The following ANKS1B variants were observed in gnomAD, a reference collection of about 807,000 sequenced individuals.
ANKS1B encodes ankyrin repeat and sterile alpha motif domain containing 1B, also known as ankyrin repeat and sterile alpha motif domain-containing protein 1B.
ANKS1B carries 36 observed loss-of-function variants against 148.3 expected under a neutral mutation model. The observed-to-expected ratio is 0.24, with a 90% CI of 0.19 to 0.32. The LOEUF is 0.32. Among genes scored for constraint, ANKS1B ranks in the 10% least tolerant of loss-of-function variants. The probability of loss-of-function intolerance (pLI) is 1.00; values close to 1 mark genes in which losing one functional copy is unlikely to be tolerated. For missense variants in ANKS1B, 1,157 were observed against 1,542.6 expected (o/e 0.75, Z 4.19); for synonymous variants, 542 against 560.8 (o/e 0.97, Z 0.47).
intron 1 of ANKS1B, among the ~76,000 whole-genome samples, chr12:99,855,662 C>G (rs1486743792): frequency 1.3e-5 from 2 of 152,014 alleles, no homozygotes; most frequent in Non-Finnish European, 2.9e-5. Flanking sequence ...TATGATAGAC[C>G]ACAAAACAAG....
At chr12:98,996,370 C>G (rs190052538) in intron 17 of ANKS1B, among the ~76,000 whole-genome samples, 1 of 152,216 alleles carries the variant, frequency 6.6e-6, no homozygotes, top group African/African-American at 2.4e-5. Context: ...TTTCCAATGT[C>G]ATATATATGA....
chr12:99,320,789 A>C (rs1159937897), intron 12 of ANKS1B, among the ~76,000 whole-genome samples: 1 of 152,062 alleles, frequency 6.6e-6, no homozygotes, highest in Non-Finnish European at 1.5e-5. Flanking sequence ...GATTTTTAGA[A>C]TTTTCAACTT....
At chr12:99,821,087 A>G (rs978216850) in intron 2 of ANKS1B, among the ~76,000 whole-genome samples, 5 of 152,054 alleles carry the variant, frequency 3.3e-5, no homozygotes, top group African/African-American at 9.7e-5. Flanking sequence ...ATCATAGTGC[A>G]TAACTGAGCC....
chr12:99,406,635 T>A (rs7300501), intron 11 of ANKS1B, among the ~76,000 whole-genome samples: 12,663 of 144,484 alleles, frequency 0.088, 2,952 homozygotes, highest in African/African-American at 0.3. Flanking sequence ...GAGAAAACCA[T>A]ACCCAAAGTT....
intron 9 of ANKS1B, among the ~76,000 whole-genome samples, chr12:99,516,266 T>C (rs550197839): frequency 1.3e-5 from 2 of 152,278 alleles, no homozygotes; most frequent in East Asian, 3.9e-4. Context: ...ACTTTTCTTA[T>C]GGCAGTTTCA....
At position 99,657,082 on chromosome 12, in the gene ANKS1B, C is replaced by T. The variant is rs1223030358; in HGVS notation, c.1129-1872G>A. Among the ~76,000 whole-genome samples, 4 of 152,080 alleles carry T rather than the reference C, an allele frequency of 2.6e-5. No homozygotes were observed. In the East Asian group the frequency reaches 7.7e-4, roughly 29 times the overall value. On this transcript the variant is annotated intron_variant, in intron 8 of 26. Transcript: ENST00000683438. ...TGTCTATAAAATACAATAATAATAACAACTGTTAGACTGAGAACTTACTAT... is the reference window on the plus strand; with the variant it reads ...TGTCTATAAAATACAATAATAATAATAACTGTTAGACTGAGAACTTACTAT...
intron 1 of ANKS1B, among the ~76,000 whole-genome samples, chr12:99,899,867 T>A (rs1412631357): frequency 6.6e-6 from 1 of 152,154 alleles, no homozygotes; most frequent in Non-Finnish European, 1.5e-5. Context: ...AGGATATGGA[T>A]TGGCAAACCA....
intron 12 of ANKS1B, among the ~76,000 whole-genome samples, chr12:99,311,922 C>A (rs1156316839): frequency 6.6e-6 from 1 of 151,902 alleles, no homozygotes; most frequent in Non-Finnish European, 1.5e-5. Flanking sequence ...AATCTTAGAG[C>A]ATTATTTTTC....
chr12:99,336,515 T>G (rs976826211), intron 12 of ANKS1B, among the ~76,000 whole-genome samples: 1 of 152,152 alleles, frequency 6.6e-6, no homozygotes, highest in Non-Finnish European at 1.5e-5. Flanking sequence ...TAGATGTATG[T>G]CTTTAATCCA....
At chr12:99,420,467 A>C (rs1411360307) in intron 11 of ANKS1B, among the ~76,000 whole-genome samples, 1 of 152,214 alleles carries the variant, frequency 6.6e-6, no homozygotes, top group Non-Finnish European at 1.5e-5. Flanking sequence ...CCCTGGAGTA[A>C]AATATAATCA....
chr12:98,968,059 A>T (rs1249713456), intron 17 of ANKS1B, among the ~76,000 whole-genome samples: 1 of 152,162 alleles, frequency 6.6e-6, no homozygotes, highest in Non-Finnish European at 1.5e-5. Flanking sequence ...GGAAAGTACC[A>T]GTAGAAGCCG....
chr12:99,132,765 A>G (rs991885734), intron 15 of ANKS1B, among the ~76,000 whole-genome samples: 3 of 152,126 alleles, frequency 2.0e-5, no homozygotes, highest in African/African-American at 7.2e-5. Context: ...TTGCTTGTCT[A>G]TTAATATAGT....
intron 1 of ANKS1B, among the ~76,000 whole-genome samples, chr12:99,901,186 T>C (rs1365807370): frequency 2.0e-5 from 3 of 152,194 alleles, no homozygotes; most frequent in Non-Finnish European, 4.4e-5. Flanking sequence ...GAACAATTAC[T>C]ATATAAACTA....
At chr12:99,011,887 C>T (rs2099939635) in intron 17 of ANKS1B, among the ~76,000 whole-genome samples, 1 of 152,234 alleles carries the variant, frequency 6.6e-6, no homozygotes, top group African/African-American at 2.4e-5. Context: ...TTTACATTTG[C>T]TTGTGGAAGT....
chr12:99,531,400 C>G (rs191314545), intron 9 of ANKS1B, among the ~76,000 whole-genome samples: 3 of 152,112 alleles, frequency 2.0e-5, no homozygotes, highest in Admixed American at 1.3e-4. Flanking sequence ...TCAACTACAC[C>G]ACACAGTACA....
At chr12:98,762,378 A>G (rs903411516) in intron 25 of ANKS1B, among the ~76,000 whole-genome samples, 1 of 152,152 alleles carries the variant, frequency 6.6e-6, no homozygotes, top group African/African-American at 2.4e-5. Flanking sequence ...AGATGCACGC[A>G]CAGTTGATGC....
chr12:99,026,878 G>A (rs1166660686), intron 17 of ANKS1B, among the ~76,000 whole-genome samples: 2 of 152,188 alleles, frequency 1.3e-5, no homozygotes, highest in Admixed American at 6.5e-5. Context: ...AAAATAGCTA[G>A]GATCTAACAG....
intron 8 of ANKS1B, among the ~76,000 whole-genome samples, chr12:99,661,602 A>G (rs2098477821): frequency 6.6e-6 from 1 of 152,026 alleles, no homozygotes; most frequent in Non-Finnish European, 1.5e-5. Flanking sequence ...TCTTTCCCTC[A>G]AGTATACCAA....
At chr12:99,550,277 T>A (rs1166756582) in intron 9 of ANKS1B, among the ~76,000 whole-genome samples, 1 of 152,166 alleles carries the variant, frequency 6.6e-6, no homozygotes, top group Non-Finnish European at 1.5e-5. Flanking sequence ...GTCAAAATCA[T>A]AAGGGCTGCT....
Sources: gnomAD v4.1 joint callset for allele counts (sites outside exome capture counted in the v4.1 genomes callset) on GRCh38, gnomAD v4.1.1 for gene constraint, MANE v1.5 for transcripts, NCBI Gene and HGNC (gene_info 2026-07-23, HGNC 2026-07-21) for gene names.